Variants in ACCSL observed in about 807,000 individuals in gnomAD.
The protein encoded by ACCSL is 1-aminocyclopropane-1-carboxylate synthase homolog (inactive) like.
ACCSL carries 55 observed loss-of-function variants against 61.7 expected under a neutral mutation model. The ratio of observed to expected loss-of-function variants is 0.89; its 90% CI spans 0.72 to 1.12. ACCSL has a LOEUF of 1.12. Among genes scored for constraint, ACCSL ranks in the 50% most tolerant of loss-of-function variants. The pLI, the probability that ACCSL is intolerant of heterozygous loss-of-function variation, is 0.00. For synonymous variants in ACCSL, 258 were observed against 264.3 expected (o/e 0.98, Z 0.23); for missense variants, 632 against 698.0 (o/e 0.91, Z 1.07).
At chr11:44,038,058 T>C in the ACCSL span, among the ~76,000 whole-genome samples, 1 of 152,026 alleles carries the variant, frequency 6.6e-6, no homozygotes. Flanking sequence ...GGACTGAAAA[T>C]AAACGATGCA....
chr11:44,053,413 AG>A lies in ACCSL; in HGVS notation c.958del (p.Val320SerfsTer6). ...TATTTGGGTTTTTCTTAGGGGAAAA[AG>A]GTCCGAGGCCTTGTGCTAATCAACC... Reference protein sequence around the residue: ...ALLEARLEGKKVRGLVLINPQ... With the variant: ...ALLEARLEGKXVRGLVLINPQ... On this transcript the variant is annotated frameshift_variant, in exon 8 of 14. Coordinates refer to ENST00000378832, the MANE Select transcript of ACCSL (RefSeq NM_001031854.2). LOFTEE classifies it high-confidence loss of function. 1 of 1,613,976 alleles carries A rather than the reference AG, an allele frequency of 6.2e-7. No individual in the cohort carries two copies. Among genetic ancestry groups the A allele is most frequent in the South Asian group, 1.1e-5 (1 of 91,074 alleles).
At chr11:43,962,253 A>G in the ACCSL span, among the ~76,000 whole-genome samples, 1 of 152,224 alleles carries the variant, frequency 6.6e-6, no homozygotes, top group Non-Finnish European at 1.5e-5. Context: ...CTGGAAATCT[A>G]CGGACTCTTG....
chr11:43,928,880 GC>G, the ACCSL span, among the ~76,000 whole-genome samples: 1,287 of 152,330 alleles, frequency 8.4e-3, 15 homozygotes, highest in African/African-American at 0.029. Context: ...TCTCCTCATT[GC>G]AACACAAGGT....
At chr11:43,959,059 G>A in the ACCSL span, among the ~76,000 whole-genome samples, 1 of 152,248 alleles carries the variant, frequency 6.6e-6, no homozygotes, top group African/African-American at 2.4e-5. Context: ...TGAAGGTGGA[G>A]CCCTCATGAT....
chr11:44,026,277 ATTCT>A, the ACCSL span, among the ~76,000 whole-genome samples: 1 of 151,822 alleles, frequency 6.6e-6, no homozygotes, highest in Non-Finnish European at 1.5e-5. Flanking sequence ...AAGTTTTCTG[ATTCT>A]TTATTTTATC....
chr11:44,051,426 G>T (rs758356427), intron 4 of ACCSL, 22 bp downstream of exon 4: 1 of 1,613,778 alleles, frequency 6.2e-7, no homozygotes, highest in South Asian at 1.1e-5. Context: ...TCCCAGCCTT[G>T]CTGCCACCCT....
the ACCSL span, among the ~76,000 whole-genome samples, chr11:44,037,468 A>G: frequency 6.0e-4 from 91 of 152,278 alleles, no homozygotes; most frequent in African/African-American, 2.1e-3. Context: ...GGCCTCTTCT[A>G]TACTCCTCTC....
chr11:43,948,565 C>T, the ACCSL span, among the ~76,000 whole-genome samples: 24 of 152,144 alleles, frequency 1.6e-4, no homozygotes, highest in African/African-American at 5.6e-4. Context: ...CCTCTGCTTC[C>T]CAGGCTCAAG....
intron 7 of ACCSL, 132 bp downstream of exon 7, chr11:44,053,200 C>A: frequency 1.1e-6 from 1 of 883,178 alleles, no homozygotes; most frequent in Non-Finnish European, 1.8e-6. Flanking sequence ...GTAAATGATC[C>A]AGGGGTGTGT....
chr11:43,922,954 A>G, the ACCSL span, among the ~76,000 whole-genome samples: 25 of 152,236 alleles, frequency 1.6e-4, no homozygotes, highest in Non-Finnish European at 3.5e-4. Flanking sequence ...CAGTGTTGAA[A>G]TCAGGATCCA....
At chr11:44,032,675 C>G in the ACCSL span, among the ~76,000 whole-genome samples, 1 of 152,128 alleles carries the variant, frequency 6.6e-6, no homozygotes, top group Non-Finnish European at 1.5e-5. Flanking sequence ...TGGGCATTGT[C>G]CCCGCTCAAG....
chr11:44,022,195 A>C, the ACCSL span, among the ~76,000 whole-genome samples: 6 of 151,802 alleles, frequency 4.0e-5, no homozygotes, highest in Non-Finnish European at 8.8e-5. Flanking sequence ...GAATTTGTAG[A>C]CTGCTTTTGG....
At chr11:43,993,156 G>T in the ACCSL span, among the ~76,000 whole-genome samples, 1 of 152,170 alleles carries the variant, frequency 6.6e-6, no homozygotes, top group Admixed American at 6.5e-5. Context: ...TGGTCTGGCT[G>T]TCCCCACTCC....
At chr11:44,029,157 T>C in the ACCSL span, among the ~76,000 whole-genome samples, 1 of 152,252 alleles carries the variant, frequency 6.6e-6, no homozygotes, top group South Asian at 2.1e-4. Context: ...AAATTAGATC[T>C]AGTCTTCTTC....
the ACCSL span, among the ~76,000 whole-genome samples, chr11:43,937,356 C>T: frequency 1.3e-5 from 2 of 152,158 alleles, no homozygotes; most frequent in African/African-American, 2.4e-5. Context: ...GAGGGGCAGC[C>T]GTCAGTAGGG....
At chr11:43,925,439 G>C in the ACCSL span, 2 of 456,190 alleles carry the variant, frequency 4.4e-6, no homozygotes, top group Admixed American at 4.7e-5. Flanking sequence ...CCAGGTGGCT[G>C]GATATGTGGC....
chr11:43,925,599 C>T, the ACCSL span: 81 of 391,588 alleles, frequency 2.1e-4, no homozygotes, highest in Admixed American at 1.0e-3. Context: ...CTCCCTCTTA[C>T]GGTCACAGTA....
chr11:43,949,150 C>T, the ACCSL span, among the ~76,000 whole-genome samples: 2 of 152,200 alleles, frequency 1.3e-5, no homozygotes, highest in African/African-American at 4.8e-5. Context: ...TTCAGATCCT[C>T]GCACATTTCA....
chr11:43,985,334 GC>G, the ACCSL span, among the ~76,000 whole-genome samples: 1 of 152,162 alleles, frequency 6.6e-6, no homozygotes, highest in East Asian at 1.9e-4. Flanking sequence ...CTGGCAGGAA[GC>G]TGGCAGGCAG....
Sources: allele counts gnomAD v4.1 joint callset (sites outside exome capture counted in the v4.1 genomes callset), GRCh38; gene constraint gnomAD v4.1.1; transcripts MANE v1.5; gene names NCBI Gene and HGNC (gene_info 2026-07-23, HGNC 2026-07-21).